Variants in SOX13 observed in about 807,000 individuals in gnomAD.
The protein encoded by SOX13 is transcription factor SOX-13.
In SOX13, 28 loss-of-function variants were observed where a neutral mutation model predicts 71.8. The ratio of observed to expected loss-of-function variants is 0.39; its 90% CI spans 0.29 to 0.53. SOX13 has a LOEUF of 0.53. SOX13 is among the 20% of genes least tolerant of loss of function. SOX13 has a pLI of 0.70. For missense variants in SOX13, 627 were observed against 810.3 expected, an observed-to-expected ratio of 0.77 and a Z score of 2.75; for synonymous variants, 309 against 317.8, an observed-to-expected ratio of 0.97 and a Z score of 0.29.
chr1:204,082,954 C>A (rs1655939450), intron 1 of SOX13, among the ~76,000 whole-genome samples: 1 of 152,172 alleles, frequency 6.6e-6, no homozygotes, highest in Non-Finnish European at 1.5e-5. Context: ...TACACGATAG[C>A]CTGTTGGAAC....
chr1:204,096,149 G>A (rs1656246130), intron 1 of SOX13, among the ~76,000 whole-genome samples: 2 of 151,730 alleles, frequency 1.3e-5, no homozygotes, highest in South Asian at 2.1e-4. Context: ...ATCCCCAGAA[G>A]TGGAATTGCT....
chr1:204,114,027 C>A (rs1656639415), intron 2 of SOX13, among the ~76,000 whole-genome samples: 1 of 152,224 alleles, frequency 6.6e-6, no homozygotes, highest in South Asian at 2.1e-4. Context: ...ATTAATATTT[C>A]CATTTTCAAA....
chr1:204,073,304 G>T lies in SOX13; in HGVS notation c.-409G>T, dbSNP rs1168999543. The T allele has an allele frequency of 2.6e-5, 4 of 152,750 alleles. No individual in the cohort carries two copies. Among genetic ancestry groups the T allele is most frequent in the South Asian group, 2.1e-4 (1 of 4,836 alleles). The allele number at this position is 152,750 out of a possible 1,614,324, so 9.5% of individuals were successfully genotyped here. A position where few individuals can be genotyped will look rare whatever the true frequency, so the allele number is the denominator to read the frequency against. On this transcript the variant is annotated 5_prime_UTR_variant, in exon 1 of 14. Transcript: ENST00000367204. This position sits in a 1 kb window ranked among gnomAD's most constrained non-coding sequence, Gnocchi z 6.8. ...GGCGCTGAGGTTGGAGCCGGAGAGCGTGAGAGCCGAAGAGCAGGGAGGGCG... is the reference window on the plus strand; with the variant it reads ...GGCGCTGAGGTTGGAGCCGGAGAGCTTGAGAGCCGAAGAGCAGGGAGGGCG...
At chr1:204,082,779 TC>T (rs1367363438) in intron 1 of SOX13, among the ~76,000 whole-genome samples, 1 of 152,152 alleles carries the variant, frequency 6.6e-6, no homozygotes, top group Non-Finnish European at 1.5e-5. Flanking sequence ...CTGTGTCAAA[TC>T]TTGACTTGGG....
chr1:204,074,372 C>G (rs1256368761), intron 1 of SOX13: 3 of 151,882 alleles, frequency 2.0e-5, no homozygotes, highest in East Asian at 3.9e-4. Flanking sequence ...CCCCACCTCC[C>G]GCCCTGGGAT....
At chr1:204,078,392 G>A (rs17404301) in intron 1 of SOX13, among the ~76,000 whole-genome samples, 14,812 of 152,236 alleles carry the variant, frequency 0.097, 807 homozygotes, top group Non-Finnish European at 0.12. Context: ...GGAAAAAGTG[G>A]AATTCAAATG....
chr1:204,122,682 A>G, intron 9 of SOX13, 172 bp from the exon 10 acceptor site: 2 of 612,526 alleles, frequency 3.3e-6, no homozygotes, highest in South Asian at 2.0e-5. Context: ...TGTAAGTGGC[A>G]TATCCCTGAG....
intron 1 of SOX13, among the ~76,000 whole-genome samples, chr1:204,079,799 G>A (rs1655862069): frequency 6.6e-6 from 1 of 152,174 alleles, no homozygotes; most frequent in African/African-American, 2.4e-5. Context: ...TGTCAGGGAG[G>A]ACCTCCATGG....
At chr1:204,086,343 G>A (rs896930205) in intron 1 of SOX13, among the ~76,000 whole-genome samples, 6 of 151,830 alleles carry the variant, frequency 4.0e-5, no homozygotes, top group East Asian at 1.9e-4. Context: ...TCGCTGTGTC[G>A]CCCAGGCTGG....
At chr1:204,080,639 C>T (rs144942258) in intron 1 of SOX13, among the ~76,000 whole-genome samples, 1 of 152,198 alleles carries the variant, frequency 6.6e-6, no homozygotes, top group African/African-American at 2.4e-5. Flanking sequence ...CTTGGTCCCG[C>T]CCCTCCCATC....
rs1655715868 is a variant in SOX13, at chr1:204,073,586, CG to C, written c.-126del. 6.6e-6 allele frequency: 1 copy of C among 151,730 alleles called. No homozygotes were observed. The highest frequency in any genetic ancestry group is 1.5e-5 in the Non-Finnish European group (1 of 67,852). 9.4% of individuals were successfully genotyped at this position (151,730 alleles called of 1,614,324 possible). On this transcript the variant is annotated 5_prime_UTR_variant, in exon 1 of 14. Transcript: ENST00000367204. The surrounding 1 kb of genome is among the most constrained non-coding windows in gnomAD (Gnocchi z 6.8). ...CCAGCCCAGCCTCCCCAACCCGGCC[CG>C]CCCGCCGCGTCGCGGGGGCATGTGA...
At position 204,126,459 on chromosome 1, in the gene SOX13, C is replaced by T. The variant is rs1163182841; in HGVS notation, c.*325C>T. The T allele has an allele frequency of 1.1e-5, 4 of 350,480 alleles. No homozygotes were observed. Among genetic ancestry groups the T allele is most frequent in the Non-Finnish European group, 1.6e-5 (3 of 188,286 alleles). 21.7% of individuals were successfully genotyped at this position (350,480 alleles called of 1,614,324 possible). On this transcript the variant is annotated 3_prime_UTR_variant, in exon 14 of 14. Coordinates refer to ENST00000367204, the MANE Select transcript of SOX13 (RefSeq NM_005686.3). ...TATCCACCTGGGGTATGGCATCTAC[C>T]GACCTGTCTCCCTGGGGTCACATGC...
intron 1 of SOX13, among the ~76,000 whole-genome samples, chr1:204,110,895 C>G (rs1205648171): frequency 6.8e-6 from 1 of 146,362 alleles, no homozygotes; most frequent in African/African-American, 2.6e-5. Context: ...AACATCTAAT[C>G]CCCATGCAAA....
rs1401537479 is a variant in SOX13 at position 204,081,649 on chromosome 1, G to A, written c.-2+7938G>A. Among the ~76,000 whole-genome samples the A allele has an allele frequency of 1.3e-5, 2 of 152,196 alleles. No individual in the cohort carries two copies. The highest frequency in any genetic ancestry group is 2.9e-5 in the Non-Finnish European group (2 of 68,026). ...GAGCTGCCCTCACACTGACTTAAAA[G>A]CATTAACTCTTGCCTGGCCACACAA... On this transcript the variant is annotated intron_variant, in intron 1 of 13. Transcript: ENST00000367204. This position sits in a 1 kb window ranked among gnomAD's most constrained non-coding sequence, Gnocchi z 4.3.
intron 1 of SOX13, among the ~76,000 whole-genome samples, chr1:204,109,862 C>T (rs191890152): frequency 7.9e-4 from 119 of 151,588 alleles, no homozygotes; most frequent in African/African-American, 2.5e-3. Flanking sequence ...GACGGAGTTT[C>T]GCTCTTGTTG....
chr1:204,088,892 C>T lies in SOX13; in HGVS notation c.-2+15181C>T, dbSNP rs141852547. ...ACAAATACATACTGTGCAGGCTCCT[C>T]GGGACCTGGCTTTTGAGCTCATGAA... On this transcript the variant is annotated intron_variant, in intron 1 of 13. Transcript: ENST00000367204. Among the ~76,000 whole-genome samples, 1,517 of 152,178 alleles carry T rather than the reference C, an allele frequency of 1.0e-2. 12 individuals are homozygous for T. The highest frequency in any genetic ancestry group is 0.02 in the Middle Eastern group (6 of 294).
At chr1:204,075,247 G>C (rs1038130527) in intron 1 of SOX13, among the ~76,000 whole-genome samples, 1 of 152,226 alleles carries the variant, frequency 6.6e-6, no homozygotes, top group Non-Finnish European at 1.5e-5. Context: ...GCGTGGGGCT[G>C]TCTCCCTGCC....
At chr1:204,102,261 G>A (rs532743446) in intron 1 of SOX13, among the ~76,000 whole-genome samples, 78 of 152,316 alleles carry the variant, frequency 5.1e-4, no homozygotes, top group Middle Eastern at 3.4e-3. Context: ...GACTAGTTGC[G>A]CTTGTCCTTT....
At chr1:204,108,385 A>G (rs776141805) in intron 1 of SOX13, among the ~76,000 whole-genome samples, 6 of 152,182 alleles carry the variant, frequency 3.9e-5, no homozygotes, top group Non-Finnish European at 8.8e-5. Context: ...AGTGGCTGCA[A>G]TCTTGGGCCG....
Sources: allele counts gnomAD v4.1 joint callset (sites outside exome capture counted in the v4.1 genomes callset), GRCh38; gene constraint gnomAD v4.1.1; non-coding constraint Gnocchi (gnomAD v3.1); transcripts MANE v1.5; gene names NCBI Gene and HGNC (gene_info 2026-07-23, HGNC 2026-07-21).